Variants in PACRGL observed in about 807,000 individuals in gnomAD.
PACRGL encodes PACRG-like protein.
Under a neutral mutation model 34.5 loss-of-function variants are expected in PACRGL, and 38 were observed. That is an observed-to-expected ratio of 1.10 (90% confidence interval 0.85 to 1.44). The LOEUF (loss-of-function observed/expected upper bound fraction) is 1.44. Ranked by LOEUF, PACRGL falls within the 40% of genes most tolerant of loss-of-function variation. The pLI is 0.00. For missense variants in PACRGL, 305 were observed against 281.4 expected (o/e 1.08, Z -0.60); for synonymous variants, 128 against 100.1 (o/e 1.28, Z -1.66).
intron 5 of PACRGL, among the ~76,000 whole-genome samples, chr4:20,711,564 G>A (rs1486278057): frequency 6.6e-6 from 1 of 152,080 alleles, no homozygotes; most frequent in African/African-American, 2.4e-5. Context: ...CTATTTGGAA[G>A]CAGATATTTA....
At chr4:20,727,230 C>T in intron 8 of PACRGL, 55 bp from the exon 9 acceptor site, 1 of 1,435,048 alleles carries the variant, frequency 7.0e-7, no homozygotes, top group South Asian at 1.2e-5. Flanking sequence ...AATATAATAC[C>T]TATTAGGGGA....
chr4:20,702,006 T>C (rs80088742), intron 1 of PACRGL: 53 of 444,582 alleles, frequency 1.2e-4, no homozygotes, highest in Non-Finnish European at 2.1e-4. Context: ...GAAAATTATA[T>C]ATTGTACATA....
chr4:20,755,923 G>C (rs1220804787), downstream of PACRGL, among the ~76,000 whole-genome samples: 1 of 152,112 alleles, frequency 6.6e-6, no homozygotes, highest in East Asian at 1.9e-4. Context: ...GGATAAGGCA[G>C]AGAAGGGACA....
chr4:20,741,739 C>T (rs1248173275), intron 8 of PACRGL, among the ~76,000 whole-genome samples: 2 of 151,936 alleles, frequency 1.3e-5, no homozygotes, highest in African/African-American at 4.8e-5. Flanking sequence ...CTGAAGGAGA[C>T]AGAGACACAA....
chr4:20,719,957 G>A (rs931544675), intron 7 of PACRGL, among the ~76,000 whole-genome samples: 74 of 152,008 alleles, frequency 4.9e-4, no homozygotes, highest in Non-Finnish European at 1.9e-4. Flanking sequence ...ATTATTGTGT[G>A]GGAGTCGAAA....
chr4:20,740,974 A>G (rs1750932769), intron 8 of PACRGL, among the ~76,000 whole-genome samples: 1 of 151,994 alleles, frequency 6.6e-6, no homozygotes, highest in Non-Finnish European at 1.5e-5. Flanking sequence ...ACAGACAAAG[A>G]AGGCTATTAC....
chr4:20,757,450 C>T (rs1358018330), downstream of PACRGL, among the ~76,000 whole-genome samples: 1 of 152,102 alleles, frequency 6.6e-6, no homozygotes, highest in African/African-American at 2.4e-5. Flanking sequence ...AGTGGCTTTG[C>T]ATCACCTCAA....
At chr4:20,740,144 A>G (rs915397160) in intron 8 of PACRGL, among the ~76,000 whole-genome samples, 2 of 152,192 alleles carry the variant, frequency 1.3e-5, no homozygotes, top group African/African-American at 4.8e-5. Context: ...GAATTGAACC[A>G]AGTTGGAAAA....
chr4:20,761,107 G>A, the PACRGL span, among the ~76,000 whole-genome samples: 1 of 152,088 alleles, frequency 6.6e-6, no homozygotes, highest in African/African-American at 2.4e-5. Flanking sequence ...GAACAAAGAC[G>A]GACCTTCCCA....
At chr4:20,745,219 T>G (rs1420352702) in intron 8 of PACRGL, among the ~76,000 whole-genome samples, 2 of 152,168 alleles carry the variant, frequency 1.3e-5, no homozygotes, top group African/African-American at 2.4e-5. Context: ...TTACCATTTT[T>G]TTTTGTCACT....
chr4:20,759,451 A>AC, the PACRGL span, among the ~76,000 whole-genome samples: 1 of 152,012 alleles, frequency 6.6e-6, no homozygotes, highest in Non-Finnish European at 1.5e-5. Context: ...ATATTTTTGA[A>AC]CTTCCGGAAA....
In PACRGL at chr4:20,730,856, AAATGGTGGCTGAACCAAT is replaced by A. The variant is rs1411614968; in HGVS notation, c.*3521_*3538del. Among the ~76,000 whole-genome samples the A allele has an allele frequency of 1.3e-5, 2 of 152,178 alleles. No individual in the cohort carries two copies. Among genetic ancestry groups the A allele is most frequent in the African/African-American group, 4.8e-5 (2 of 41,438 alleles). ...TTACTGAGCTGTTTATGGTAGTGGT[AAATGGTGGCTGAACCAAT>A]AATGGCTTCCACTGCTAGAAACCAA... On this transcript the variant is annotated 3_prime_UTR_variant, in exon 9 of 9. Coordinates refer to ENST00000503585, the MANE Select transcript of PACRGL (RefSeq NM_001258345.3).
At chr4:20,721,659 T>C (rs1743254653) in intron 7 of PACRGL, among the ~76,000 whole-genome samples, 1 of 152,122 alleles carries the variant, frequency 6.6e-6, no homozygotes, top group Non-Finnish European at 1.5e-5. Flanking sequence ...GAACAGCAAA[T>C]GTTGCTGCCT....
At position 20,724,802 on chromosome 4, in the gene PACRGL, T is replaced by G; in HGVS notation, c.610-6T>G. 6.8e-7 allele frequency: 1 copy of G among 1,463,914 alleles called. No individual in the cohort carries two copies. The allele number at this position is 1,463,914 out of a possible 1,614,324, so 90.7% of individuals were successfully genotyped here. A position where few individuals can be genotyped will look rare whatever the true frequency, so the allele number is the denominator to read the frequency against. On this transcript the variant is annotated splice_region_variant and splice_polypyrimidine_tract_variant and intron_variant, in intron 7 of 8. Transcript: ENST00000503585. ...ATTTCGTTTCCCCCTAATCTTACTT[T>G]AAAAGCTTTCCAAGAGATTAATGGA...
intron 3 of PACRGL, among the ~76,000 whole-genome samples, chr4:20,707,250 A>G (rs1328258436): frequency 6.6e-6 from 1 of 152,192 alleles, no homozygotes; most frequent in Admixed American, 6.5e-5. Flanking sequence ...TATAAAATCA[A>G]GCTATTCATA....
the PACRGL span, among the ~76,000 whole-genome samples, chr4:20,761,781 A>T: frequency 6.6e-6 from 1 of 152,222 alleles, no homozygotes; most frequent in African/African-American, 2.4e-5. Flanking sequence ...GTTTAATCAC[A>T]TATCTGTGTC....
the PACRGL span, among the ~76,000 whole-genome samples, chr4:20,763,934 T>A: frequency 1.1e-4 from 16 of 152,302 alleles, no homozygotes; most frequent in East Asian, 2.9e-3. Flanking sequence ...TTTTAAAGAC[T>A]GTTTACTTGC....
chr4:20,712,565 T>G, intron 5 of PACRGL: 1 of 358,716 alleles, frequency 2.8e-6, no homozygotes. Flanking sequence ...TTGGTATCCA[T>G]TGGAGGGGGG....
Position 20,713,251 on chromosome 4 carries a change from T to C in PACRGL, c.502-181T>C, listed in dbSNP as rs538440630. 155 of 589,022 alleles carry C rather than the reference T, an allele frequency of 2.6e-4. No homozygotes were observed. In the East Asian group the frequency reaches 4.3e-3, roughly 17 times the overall value. 36.5% of individuals were successfully genotyped at this position (589,022 alleles called of 1,614,324 possible). A position where few individuals can be genotyped will look rare whatever the true frequency, so the allele number is the denominator to read the frequency against. ...AGATGGAAAATTTGTTTTTTGCTTC[T>C]AGATGTCCTGTGTTGAAGGTTATTT... On this transcript the variant is annotated intron_variant, in intron 6 of 8. Transcript: ENST00000503585.
Sources: gnomAD v4.1 joint callset for allele counts (sites outside exome capture counted in the v4.1 genomes callset) on GRCh38, gnomAD v4.1.1 for gene constraint, MANE v1.5 for transcripts, NCBI Gene and HGNC (gene_info 2026-07-23, HGNC 2026-07-21) for gene names.